The following MTMR10 variants were observed in gnomAD, a reference collection of about 807,000 sequenced individuals.
The protein encoded by MTMR10 is myotubularin related protein 10, also known as myotubularin-related protein 10.
A neutral mutation model predicts 88.1 loss-of-function variants in MTMR10; 56 were observed. The observed-to-expected ratio is 0.64, with a 90% confidence interval of 0.51 to 0.79. The LOEUF (loss-of-function observed/expected upper bound fraction) is 0.79, where lower values mean the gene tolerates loss of function less well. Among genes scored for constraint, MTMR10 ranks in the 30% least tolerant of loss-of-function variants. The pLI, the probability that MTMR10 is intolerant of heterozygous loss-of-function variation, is 0.00. For missense variants in MTMR10, 883 were observed against 924.7 expected, an observed-to-expected ratio of 0.95 and a Z score of 0.58; for synonymous variants, 380 against 340.9, an observed-to-expected ratio of 1.11 and a Z score of -1.26.
At chr15:30,955,484 C>G (rs138409452) in intron 9 of MTMR10, among the ~76,000 whole-genome samples, 2 of 152,102 alleles carry the variant, frequency 1.3e-5, no homozygotes, top group Non-Finnish European at 2.9e-5. Context: ...GTTGGCCAGG[C>G]TGGTCTCAAA....
intron 2 of MTMR10, among the ~76,000 whole-genome samples, chr15:30,979,979 A>G (rs1443372527): frequency 6.6e-6 from 1 of 152,274 alleles, no homozygotes; most frequent in Non-Finnish European, 1.5e-5. Context: ...AGAGCTGAGT[A>G]CTTGAAACAA....
the MTMR10 span, among the ~76,000 whole-genome samples, chr15:30,921,755 G>A: frequency 6.6e-6 from 1 of 152,216 alleles, no homozygotes; most frequent in Non-Finnish European, 1.5e-5. Context: ...CGAACAGTCT[G>A]TACATAATCT....
chr15:30,922,383 A>G, the MTMR10 span: 18 of 1,572,682 alleles, frequency 1.1e-5, no homozygotes, highest in Non-Finnish European at 1.5e-5. Flanking sequence ...TATCTGAAAC[A>G]CCTTTTCATT....
At chr15:30,951,850 G>A in intron 12 of MTMR10, 118 bp downstream of exon 12, 1 of 836,022 alleles carries the variant, frequency 1.2e-6, no homozygotes, top group Non-Finnish European at 2.0e-6. Context: ...GTATTTGATG[G>A]TACTGTAGTA....
chr15:30,941,883 G>A lies in MTMR10; in HGVS notation c.1921C>T (p.Leu641=). ...FREWFSKPAN[L]HGVILPRVSG... ...ACACGTGGCAGAATAACACCGTGCA[G>A]GTTGGCGGGTTTGGAAAACCATTCT... The change falls in exon 16 of 16, where the codon CTG becomes TTG. Residue 641 remains leucine, a synonymous_variant. Coordinates refer to ENST00000435680, the MANE Select transcript of MTMR10 (RefSeq NM_017762.3). The A allele has an allele frequency of 6.2e-7, 1 of 1,614,060 alleles. No individual in the cohort carries two copies. Among genetic ancestry groups the A allele is most frequent in the Non-Finnish European group, 8.5e-7 (1 of 1,179,904 alleles).
downstream of MTMR10, chr15:30,937,320 G>A: frequency 1.3e-6 from 2 of 1,492,546 alleles, no homozygotes; most frequent in Admixed American, 2.1e-5. Context: ...TATAAAACAT[G>A]TTTTATTTAA....
Position 30,980,841 on chromosome 15 carries a change from G to T in MTMR10, c.122-3886C>A, listed in dbSNP as rs374017782. Reference sequence around the variant, plus strand: ...AGCTGGAACAATCTGAGCAACAAAAGAAATAACAAAAATGCCGGATTAGAA... The same window carrying T: ...AGCTGGAACAATCTGAGCAACAAAATAAATAACAAAAATGCCGGATTAGAA... On this transcript the variant is annotated intron_variant, in intron 2 of 15. Coordinates refer to ENST00000435680, the MANE Select transcript of MTMR10 (RefSeq NM_017762.3). Among the ~76,000 whole-genome samples, 8 of 152,206 alleles carry T rather than the reference G, an allele frequency of 5.3e-5. No homozygotes were observed. The East Asian group carries it at 7.7e-4, about 15-fold the overall frequency.
chr15:30,939,263 T>C lies in MTMR10; in HGVS notation c.*2207A>G. On this transcript the variant is annotated 3_prime_UTR_variant, in exon 16 of 16. Coordinates refer to ENST00000435680, the MANE Select transcript of MTMR10 (RefSeq NM_017762.3). The stretch of plus-strand genomic sequence containing the variant: ...AAATAACAGCAAGACACTGTACACC[T>C]TTACGTTCAATACTAGAAATTTCAC... The C allele has an allele frequency of 1.0e-6, 1 of 985,482 alleles. No homozygotes were observed. The highest frequency in any genetic ancestry group is 1.2e-6 in the Non-Finnish European group (1 of 829,938). The allele number at this position is 985,482 out of a possible 1,614,324, so 61.0% of individuals were successfully genotyped here.
At chr15:30,985,768 C>T (rs2141070711) in intron 2 of MTMR10, among the ~76,000 whole-genome samples, 1 of 152,338 alleles carries the variant, frequency 6.6e-6, no homozygotes, top group South Asian at 2.1e-4. Flanking sequence ...GGGACTTCAA[C>T]ACACATTAGT....
intron 2 of MTMR10, among the ~76,000 whole-genome samples, chr15:30,981,935 G>T (rs536129851): frequency 6.6e-6 from 1 of 152,132 alleles, no homozygotes; most frequent in African/African-American, 2.4e-5. Flanking sequence ...GCTGGGCCTG[G>T]TGGTGCGCAC....
chr15:30,946,677 C>G (rs1193924880), intron 14 of MTMR10: 1 of 695,972 alleles, frequency 1.4e-6, no homozygotes, highest in African/African-American at 1.8e-5. Context: ...TGGCTTGAGA[C>G]CCTGCTTAGT....
chr15:30,943,218 G>C (rs966181797), intron 14 of MTMR10, 146 bp from the exon 15 acceptor site: 2 of 1,402,128 alleles, frequency 1.4e-6, no homozygotes, highest in Non-Finnish European at 1.8e-6. Context: ...CACTTCAAGA[G>C]AGGAGACGCT....
Position 30,941,374 on chromosome 15 carries a change from TAA to T in MTMR10, c.*94_*95del. The T allele has an allele frequency of 6.5e-7, 1 of 1,538,236 alleles. No homozygotes were observed. Among genetic ancestry groups the T allele is most frequent in the African/African-American group, 1.4e-5 (1 of 72,530 alleles). ...AAATTCCAACTATTATTCTTACATA[TAA>T]AGTTATTAGAGATTCAAACGCCTAG... On this transcript the variant is annotated 3_prime_UTR_variant, in exon 16 of 16. Transcript: ENST00000435680.
chr15:30,935,044 G>T (rs956856307), downstream of MTMR10, among the ~76,000 whole-genome samples: 2 of 151,888 alleles, frequency 1.3e-5, no homozygotes, highest in Admixed American at 6.6e-5. Context: ...TTCCTTTCAC[G>T]CCTGTAATTC....
At chr15:30,957,736 G>C (rs2141017873) in intron 9 of MTMR10, among the ~76,000 whole-genome samples, 1 of 152,164 alleles carries the variant, frequency 6.6e-6, no homozygotes, top group East Asian at 1.9e-4. Flanking sequence ...TGCCAAGTGG[G>C]TAAGCGTGGA....
At chr15:30,951,925 CTGGTA>C in intron 12 of MTMR10, 38 bp downstream of exon 12, 4 of 1,538,322 alleles carry the variant, frequency 2.6e-6, no homozygotes, top group Non-Finnish European at 3.6e-6. Flanking sequence ...CCAAGGCTGG[CTGGTA>C]TGGTGGTCAT....
chr15:30,932,070 A>T, the MTMR10 span, among the ~76,000 whole-genome samples: 1 of 151,940 alleles, frequency 6.6e-6, no homozygotes, highest in East Asian at 1.9e-4. Context: ...AAAATACAAA[A>T]AATTAGCCGG....
At chr15:30,953,158 A>G (rs916965213) in intron 11 of MTMR10, among the ~76,000 whole-genome samples, 2 of 152,220 alleles carry the variant, frequency 1.3e-5, no homozygotes, top group Non-Finnish European at 2.9e-5. Flanking sequence ...GACTTATGAC[A>G]AAACTATAGA....
chr15:30,961,741 T>C (rs930608337), intron 6 of MTMR10, among the ~76,000 whole-genome samples: 7 of 152,354 alleles, frequency 4.6e-5, no homozygotes, highest in Admixed American at 1.3e-4. Context: ...TTCCTTTTCC[T>C]GACCACCTTC....
Sources: gnomAD v4.1 joint callset for allele counts (sites outside exome capture counted in the v4.1 genomes callset) on GRCh38, gnomAD v4.1.1 for gene constraint, MANE v1.5 for transcripts, NCBI Gene and HGNC (gene_info 2026-07-23, HGNC 2026-07-21) for gene names.